The following GML variants were observed in gnomAD, a reference collection of about 807,000 sequenced individuals.
The protein encoded by GML is glycosyl-phosphatidylinositol-anchored molecule-like protein.
GML carries 5 observed loss-of-function variants against 8.2 expected under a neutral mutation model. The observed-to-expected ratio is 0.61, with a 90% CI of 0.32 to 1.28. The LOEUF (loss-of-function observed/expected upper bound fraction) is 1.28. Among genes scored for constraint, GML ranks in the 50% most tolerant of loss-of-function variants. GML has a pLI of 0.06. For synonymous variants in GML, 72 were observed against 69.0 expected, an observed-to-expected ratio of 1.04 and a Z score of -0.22; for missense variants, 191 against 198.3, an observed-to-expected ratio of 0.96 and a Z score of 0.22.
In GML at chr8:142,840,530, A is replaced by G. The variant is rs1357529262; in HGVS notation, c.73+20A>G. 3 of 1,545,016 alleles carry G rather than the reference A, an allele frequency of 1.9e-6. No individual in the cohort carries two copies. The highest frequency in any genetic ancestry group is 2.2e-5 in the East Asian group (1 of 44,510). ...CTCAGTGTAAGTATCATTCCCTCTC[A>G]CTGTCCTGGAGAGGACGAGAATTCA... On this transcript the variant is annotated intron_variant, in intron 2 of 3. Transcript: ENST00000220940.
At chr8:142,844,143 T>C (rs1816473452) in intron 3 of GML, among the ~76,000 whole-genome samples, 1 of 152,106 alleles carries the variant, frequency 6.6e-6, no homozygotes, top group Non-Finnish European at 1.5e-5. Context: ...ATAACAACAT[T>C]AGAAGAGAAA....
intron 3 of GML, among the ~76,000 whole-genome samples, chr8:142,844,962 C>T (rs1816484976): frequency 6.6e-6 from 1 of 152,218 alleles, no homozygotes; most frequent in Non-Finnish European, 1.5e-5. Context: ...ACAGGCTCAC[C>T]TTAAGGCAAA....
chr8:142,843,228 A>C (rs1245251168), intron 3 of GML, among the ~76,000 whole-genome samples: 1 of 148,930 alleles, frequency 6.7e-6, no homozygotes, highest in Non-Finnish European at 1.5e-5. Flanking sequence ...CTGAAAACCT[A>C]AAACTATTTT....
intron 1 of GML, among the ~76,000 whole-genome samples, chr8:142,839,060 T>C (rs1418831549): frequency 6.6e-6 from 1 of 152,194 alleles, no homozygotes; most frequent in African/African-American, 2.4e-5. Context: ...GTGTACATGC[T>C]CTGGGTCAGT....
At chr8:142,839,222 GCT>G (rs1315031856) in intron 1 of GML, among the ~76,000 whole-genome samples, 16 of 152,198 alleles carry the variant, frequency 1.1e-4, no homozygotes, top group South Asian at 2.1e-4. Flanking sequence ...AGGCTGGCTG[GCT>G]GGACGAGTCA....
At chr8:142,841,034 G>A (rs554416031) in intron 2 of GML, 84 bp from the exon 3 acceptor site, 21 of 763,552 alleles carry the variant, frequency 2.8e-5, no homozygotes, top group East Asian at 1.7e-4. Context: ...AGGGCTGGCC[G>A]TTGAAGAAGG....
chr8:142,838,477 G>A (rs1406271394), intron 1 of GML, among the ~76,000 whole-genome samples: 2 of 152,130 alleles, frequency 1.3e-5, no homozygotes. Context: ...CCAGGGTGAG[G>A]ATGACTCATG....
intron 3 of GML, among the ~76,000 whole-genome samples, chr8:142,842,480 G>T (rs1237293720): frequency 6.6e-6 from 1 of 152,182 alleles, no homozygotes; most frequent in Non-Finnish European, 1.5e-5. Context: ...TCTAAATGAG[G>T]CTGAGAACTA....
intron 1 of GML, among the ~76,000 whole-genome samples, chr8:142,836,492 A>G (rs951225047): frequency 1.3e-5 from 2 of 152,390 alleles, no homozygotes; most frequent in African/African-American, 4.8e-5. Flanking sequence ...TGCTCTCATT[A>G]GAATTTTTAA....
chr8:142,846,254 G>A (rs1188223607), intron 3 of GML, 141 bp from the exon 4 acceptor site: 1 of 621,756 alleles, frequency 1.6e-6, no homozygotes, highest in Non-Finnish European at 2.8e-6. Flanking sequence ...TTAGTCAAGT[G>A]TTCTAGACAA....
At chr8:142,844,898 CTG>C (rs1234494134) in intron 3 of GML, among the ~76,000 whole-genome samples, 1 of 152,210 alleles carries the variant, frequency 6.6e-6, no homozygotes, top group African/African-American at 2.4e-5. Context: ...GTATCAAACA[CTG>C]AGACTCAGCG....
chr8:142,837,718 C>T lies in GML; in HGVS notation c.-22-2698C>T, dbSNP rs570793878. ...TCCCCTTGAACCTCATCCCACACAC[C>T]TGTTCCATCGGGGCCACTGGCTTAT... On this transcript the variant is annotated intron_variant, in intron 1 of 3. Coordinates refer to ENST00000220940, the MANE Select transcript of GML (RefSeq NM_002066.3). Among the ~76,000 whole-genome samples, 5 of 145,644 alleles carry T rather than the reference C, an allele frequency of 3.4e-5. No homozygotes were observed. The East Asian group carries it at 1.3e-3, about 37-fold the overall frequency.
chr8:142,835,202 C>T (rs1563857158), intron 1 of GML, among the ~76,000 whole-genome samples: 1 of 113,044 alleles, frequency 8.8e-6, no homozygotes, highest in East Asian at 5.0e-4. Flanking sequence ...AGCTCCACTC[C>T]CATCAGGGTC....
intron 1 of GML, among the ~76,000 whole-genome samples, chr8:142,835,754 T>C (rs1816331020): frequency 6.6e-6 from 1 of 152,206 alleles, no homozygotes. Context: ...AAATGGACTC[T>C]CAGTGTCCGA....
At chr8:142,841,027 G>A (rs2130220380) in intron 2 of GML, 91 bp from the exon 3 acceptor site, 3 of 738,366 alleles carry the variant, frequency 4.1e-6, no homozygotes, top group Middle Eastern at 6.8e-4. Flanking sequence ...GAGGGGAAGG[G>A]CTGGCCGTTG....
rs759445396 is a variant in GML at position 142,840,425 on chromosome 8, C to G, written c.-13C>G. 3.0e-5 allele frequency: 48 copies of G among 1,610,368 alleles called. No individual in the cohort carries two copies. Among genetic ancestry groups the G allele is most frequent in the Non-Finnish European group, 4.0e-5 (47 of 1,176,718 alleles). On this transcript the variant is annotated 5_prime_UTR_variant, in exon 2 of 4. Coordinates refer to ENST00000220940, the MANE Select transcript of GML (RefSeq NM_002066.3). ...GGCTCCTTCCCTTCAGGTCCAGGCT[C>G]CTGCGTGAAGTGATGCTCCTCTTTG...
intron 1 of GML, among the ~76,000 whole-genome samples, chr8:142,837,506 G>A (rs1808768): frequency 0.31 from 47,063 of 149,788 alleles, 8,950 homozygotes; most frequent in Admixed American, 0.4. Context: ...GTTACCGCAG[G>A]CAGTTTCAGC....
intron 3 of GML, among the ~76,000 whole-genome samples, chr8:142,842,836 C>G (rs115395833): frequency 4.8e-4 from 73 of 152,340 alleles, no homozygotes; most frequent in African/African-American, 1.7e-3. Context: ...TATTGCCCTG[C>G]AGAGTTGGGC....
At chr8:142,843,199 C>T (rs1464535715) in intron 3 of GML, among the ~76,000 whole-genome samples, 2 of 150,926 alleles carry the variant, frequency 1.3e-5, no homozygotes, top group African/African-American at 4.9e-5. Flanking sequence ...AGGAACTCTG[C>T]ACTATCTCTG....
Sources: allele counts gnomAD v4.1 joint callset (sites outside exome capture counted in the v4.1 genomes callset), GRCh38; gene constraint gnomAD v4.1.1; transcripts MANE v1.5; gene names NCBI Gene and HGNC (gene_info 2026-07-23, HGNC 2026-07-21).